Variants in SORCS2 observed in about 807,000 individuals in gnomAD.
SORCS2 encodes the protein VPS10 domain-containing receptor SorCS2.
Under a neutral mutation model 141.6 loss-of-function variants are expected in SORCS2, and 100 were observed. The ratio of observed to expected loss-of-function variants is 0.71; its 90% CI spans 0.60 to 0.83. The LOEUF is 0.83. SORCS2 is among the 40% of genes least tolerant of loss of function. The pLI is 0.00. For missense variants in SORCS2, 1,646 were observed against 1,560.2 expected (o/e 1.05, Z -0.93); for synonymous variants, 789 against 676.9 (o/e 1.17, Z -2.57).
intron 2 of SORCS2, among the ~76,000 whole-genome samples, chr4:7,520,113 G>T (rs1272219527): frequency 6.6e-6 from 1 of 152,174 alleles, no homozygotes; most frequent in African/African-American, 2.4e-5. Flanking sequence ...GACCAGGGTG[G>T]ACTCACTTCC....
intron 3 of SORCS2, among the ~76,000 whole-genome samples, chr4:7,539,951 C>T (rs1404112804): frequency 6.7e-6 from 1 of 150,306 alleles, no homozygotes; most frequent in Non-Finnish European, 1.5e-5. Context: ...GTCTCACCCC[C>T]TCCCTGCTGT....
At chr4:7,408,220 C>G (rs954544647) in intron 2 of SORCS2, among the ~76,000 whole-genome samples, 1 of 152,014 alleles carries the variant, frequency 6.6e-6, no homozygotes, top group Non-Finnish European at 1.5e-5. Flanking sequence ...TGCATGCTAG[C>G]GTTTTAATTT....
At chr4:7,507,207 G>A (rs998570193) in intron 2 of SORCS2, among the ~76,000 whole-genome samples, 3 of 124,060 alleles carry the variant, frequency 2.4e-5, no homozygotes, top group Non-Finnish European at 4.9e-5. Flanking sequence ...AAGGAGTCTT[G>A]CTCTGTGGCC....
chr4:7,418,492 TA>T (rs960963174), intron 2 of SORCS2, among the ~76,000 whole-genome samples: 15 of 152,138 alleles, frequency 9.9e-5, no homozygotes, highest in African/African-American at 3.6e-4. Context: ...GATGGGACAT[TA>T]AGCGCGAGGT....
chr4:7,382,372 A>C lies in SORCS2; in HGVS notation c.481-13916A>C, dbSNP rs189688438. ...ATCCCTGGTTGTACAGTGAGTTCCCAAGTGACATCTCCGGCTGCCCCAGGG... is the reference window on the plus strand; with the variant it reads ...ATCCCTGGTTGTACAGTGAGTTCCCCAGTGACATCTCCGGCTGCCCCAGGG... On this transcript the variant is annotated intron_variant, in intron 1 of 26. Coordinates refer to ENST00000507866, the MANE Select transcript of SORCS2 (RefSeq NM_020777.3). Among the ~76,000 whole-genome samples the C allele has an allele frequency of 9.9e-5, 15 of 152,178 alleles. No homozygotes were observed. The East Asian group carries it at 2.7e-3, about 27-fold the overall frequency.
chr4:7,282,054 A>C (rs1228960430), intron 1 of SORCS2, among the ~76,000 whole-genome samples: 1 of 152,014 alleles, frequency 6.6e-6, no homozygotes, highest in Non-Finnish European at 1.5e-5. Context: ...TTTGGCCCCC[A>C]CCGCACTCCA....
intron 18 of SORCS2, among the ~76,000 whole-genome samples, chr4:7,720,459 C>G (rs532259128): frequency 6.6e-6 from 1 of 152,268 alleles, no homozygotes; most frequent in South Asian, 2.1e-4. Flanking sequence ...GGAGAGGAGT[C>G]CTCAGACTTC....
At chr4:7,267,854 C>G (rs1714852819) in intron 1 of SORCS2, among the ~76,000 whole-genome samples, 1 of 152,206 alleles carries the variant, frequency 6.6e-6, no homozygotes, top group African/African-American at 2.4e-5. Flanking sequence ...ACCAGCTTGT[C>G]TGGGTCATCG....
intron 1 of SORCS2, among the ~76,000 whole-genome samples, chr4:7,391,516 AG>A (rs1450415137): frequency 6.6e-6 from 1 of 152,086 alleles, no homozygotes; most frequent in Non-Finnish European, 1.5e-5. Context: ...TGTGGTGATC[AG>A]GGGGTGGGGC....
At chr4:7,460,801 G>A (rs772269422) in intron 2 of SORCS2, among the ~76,000 whole-genome samples, 1 of 152,138 alleles carries the variant, frequency 6.6e-6, no homozygotes, top group African/African-American at 2.4e-5. Flanking sequence ...ACAGCTCGAT[G>A]TTGCATTTTC....
At chr4:7,548,148 G>A (rs11942113) in intron 3 of SORCS2, among the ~76,000 whole-genome samples, 146,664 of 152,288 alleles carry the variant, frequency 0.96, 70,854 homozygotes, top group East Asian at 1. Flanking sequence ...GAAAGAGGAA[G>A]GCCTTTGAGG....
In SORCS2 at chr4:7,733,331, G is replaced by A. The variant is rs202079981; in HGVS notation, c.3118G>A (p.Ala1040Thr). 20 of 1,545,426 alleles carry A rather than the reference G, an allele frequency of 1.3e-5. No individual in the cohort carries two copies. Among genetic ancestry groups the A allele is most frequent in the African/African-American group, 9.6e-5 (7 of 73,064 alleles). ...CCCTCTGTGCTTGCAGAGGCTCGCC[G>A]CCATCCAGCAGGTGCTGAACGCACA... ...RSLSSDKRLA[A>T]IQQVLNAQKI... The change falls in exon 24 of 27, where the codon GCC (alanine) becomes ACC (threonine). Residue 1040 changes from alanine to threonine, a missense_variant. Coordinates refer to ENST00000507866, the MANE Select transcript of SORCS2 (RefSeq NM_020777.3).
chr4:7,568,309 A>G (rs984305856), intron 3 of SORCS2, among the ~76,000 whole-genome samples: 8 of 152,268 alleles, frequency 5.3e-5, no homozygotes, highest in Non-Finnish European at 1.0e-4. Context: ...CAAACAAGTT[A>G]GCAAGTATCT....
intron 1 of SORCS2, among the ~76,000 whole-genome samples, chr4:7,293,525 T>A (rs972669142): frequency 2.6e-5 from 4 of 152,202 alleles, no homozygotes; most frequent in African/African-American, 7.2e-5. Flanking sequence ...TGAGTGTGAA[T>A]GCACCGTTTG....
chr4:7,435,155 A>G (rs181077465), intron 2 of SORCS2, among the ~76,000 whole-genome samples: 185 of 152,234 alleles, frequency 1.2e-3, no homozygotes, highest in African/African-American at 4.3e-3. Flanking sequence ...CTCGGCTCCT[A>G]GGAAGCCCTC....
At chr4:7,369,672 T>C (rs1295205339) in intron 1 of SORCS2, among the ~76,000 whole-genome samples, 1 of 152,162 alleles carries the variant, frequency 6.6e-6, no homozygotes, top group Non-Finnish European at 1.5e-5. Context: ...TGCTGAGTGC[T>C]CTCCCAGTGC....
chr4:7,561,584 CCATT>C (rs1162468000), intron 3 of SORCS2, among the ~76,000 whole-genome samples: 5 of 66,740 alleles, frequency 7.5e-5, no homozygotes, highest in African/African-American at 3.7e-4. Flanking sequence ...ATCCATCTAT[CCATT>C]CATCCATCTA....
intron 2 of SORCS2, among the ~76,000 whole-genome samples, chr4:7,501,558 T>G (rs1407942421): frequency 6.6e-6 from 1 of 152,176 alleles, no homozygotes; most frequent in Non-Finnish European, 1.5e-5. Flanking sequence ...CTTAGCACTT[T>G]GCTTCATGCC....
At chr4:7,257,924 C>G (rs549949022) in intron 1 of SORCS2, among the ~76,000 whole-genome samples, 1 of 152,164 alleles carries the variant, frequency 6.6e-6, no homozygotes, top group Non-Finnish European at 1.5e-5. Context: ...TCTTTGAGGT[C>G]TGGGGTTGCT....
Sources: gnomAD v4.1 joint callset for allele counts (sites outside exome capture counted in the v4.1 genomes callset) on GRCh38, gnomAD v4.1.1 for gene constraint, MANE v1.5 for transcripts, NCBI Gene and HGNC (gene_info 2026-07-23, HGNC 2026-07-21) for gene names.